Variants in USP37 observed in about 807,000 individuals in gnomAD.
The protein encoded by USP37 is ubiquitin carboxyl-terminal hydrolase 37.
In USP37, 27 loss-of-function variants were observed where a neutral mutation model predicts 124.0. That is an observed-to-expected ratio of 0.22 (90% CI 0.16 to 0.30). The LOEUF is 0.30. USP37 is among the 10% of genes least tolerant of loss of function. The pLI is 1.00. For missense variants in USP37, 889 were observed against 1,140.4 expected, an observed-to-expected ratio of 0.78 and a Z score of 3.17; for synonymous variants, 365 against 388.0, an observed-to-expected ratio of 0.94 and a Z score of 0.70.
chr2:218,568,194 G>A lies in USP37; in HGVS notation c.-246C>T, dbSNP rs1009226789. ...CCGCCTTACCTGCGCCGAGGGTCCG[G>A]AGCCCCCGGACAGACCCGCGGAAAG... On this transcript the variant is annotated 5_prime_UTR_variant, in exon 1 of 26. Coordinates refer to ENST00000258399, the MANE Select transcript of USP37 (RefSeq NM_020935.3). 2 of 152,424 alleles carry A rather than the reference G, an allele frequency of 1.3e-5. No individual in the cohort carries two copies. The highest frequency in any genetic ancestry group is 1.3e-4 in the Admixed American group (2 of 15,282). 9.4% of individuals were successfully genotyped at this position (152,424 alleles called of 1,614,324 possible).
chr2:218,487,879 T>C (rs1691664071), intron 15 of USP37, among the ~76,000 whole-genome samples: 1 of 151,716 alleles, frequency 6.6e-6, no homozygotes, highest in Non-Finnish European at 1.5e-5. Flanking sequence ...TCCCCACGAA[T>C]AATGTTGTTG....
chr2:218,516,474 A>T (rs1174020453), intron 10 of USP37, among the ~76,000 whole-genome samples: 1 of 151,782 alleles, frequency 6.6e-6, no homozygotes, highest in Non-Finnish European at 1.5e-5. Flanking sequence ...CTCACTCATA[A>T]GTAGCAGTTG....
At chr2:218,494,967 T>G (rs189458457) in intron 14 of USP37, among the ~76,000 whole-genome samples, 4 of 150,660 alleles carry the variant, frequency 2.7e-5, no homozygotes, top group Admixed American at 6.6e-5. Context: ...ATAAGTTGTG[T>G]TTTTTTTTCA....
intron 1 of USP37, among the ~76,000 whole-genome samples, chr2:218,564,762 T>C (rs1363718405): frequency 6.6e-6 from 1 of 152,172 alleles, no homozygotes; most frequent in Non-Finnish European, 1.5e-5. Context: ...ATGGTTGCCA[T>C]TGATGCTAGG....
At chr2:218,566,718 A>T (rs1693617568) in intron 1 of USP37, among the ~76,000 whole-genome samples, 1 of 152,236 alleles carries the variant, frequency 6.6e-6, no homozygotes, top group South Asian at 2.1e-4. Flanking sequence ...ATGATAATAC[A>T]GGAAGCCAAG....
intron 20 of USP37, among the ~76,000 whole-genome samples, chr2:218,470,098 G>A (rs1406277438): frequency 6.6e-6 from 1 of 152,112 alleles, no homozygotes; most frequent in East Asian, 1.9e-4. Context: ...GGGATTACAG[G>A]CGTGAGCCAC....
chr2:218,475,623 G>T (rs1430382043), intron 19 of USP37, among the ~76,000 whole-genome samples: 1 of 152,172 alleles, frequency 6.6e-6, no homozygotes, highest in Non-Finnish European at 1.5e-5. Flanking sequence ...TGTAGTCCCA[G>T]CTACTAGGGA....
intron 14 of USP37, among the ~76,000 whole-genome samples, chr2:218,492,293 A>AG (rs368155297): frequency 1.7e-3 from 264 of 152,296 alleles, no homozygotes; most frequent in Middle Eastern, 0.014. Context: ...AAAGACTCTA[A>AG]GGCACTATGA....
chr2:218,553,969 TA>T (rs1448451613), intron 4 of USP37, among the ~76,000 whole-genome samples: 1 of 152,098 alleles, frequency 6.6e-6, no homozygotes, highest in African/African-American at 2.4e-5. Context: ...GCACCAAGGG[TA>T]ATAGAGAAGG....
rs1206102407 is a variant in USP37 at position 218,474,810 on chromosome 2, C to T, written c.2119G>A (p.Glu707Lys). The T allele has an allele frequency of 6.2e-7, 1 of 1,614,138 alleles. No individual in the cohort carries two copies. Among genetic ancestry groups the T allele is most frequent in the East Asian group, 2.2e-5 (1 of 44,882 alleles). The change falls in exon 20 of 26, where the codon GAG (glutamate) becomes AAG (lysine). Residue 707 changes from glutamate (E) to lysine (K), a missense_variant. This residue lies in a region of USP37 where 504 missense variants were observed against 714.3 expected (regional missense o/e 0.71). Coordinates refer to ENST00000258399, the MANE Select transcript of USP37 (RefSeq NM_020935.3). Reference protein sequence around the residue: ...NSGFDRMSEEELLAAVLEISK... With the variant: ...NSGFDRMSEEKLLAAVLEISK... The stretch of plus-strand genomic sequence containing the variant: ...ATCTCCAAGACAGCTGCTAGAAGCT[C>T]TTCTTCGCTCATTCTGTCAAATCCT...
chr2:218,551,454 C>G (rs147762438), intron 5 of USP37, among the ~76,000 whole-genome samples: 2 of 152,332 alleles, frequency 1.3e-5, no homozygotes, highest in Non-Finnish European at 2.9e-5. Context: ...GCCCTGAAAT[C>G]AAGGTGATAC....
At chr2:218,557,010 A>AT (rs1693024418) in intron 4 of USP37, among the ~76,000 whole-genome samples, 1 of 151,946 alleles carries the variant, frequency 6.6e-6, no homozygotes, top group Non-Finnish European at 1.5e-5. Context: ...CTACAGGTAC[A>AT]TACCAACATG....
rs926084535 is a variant in USP37 at position 218,474,800 on chromosome 2, G to T, written c.2129C>A (p.Ala710Glu). The T allele has an allele frequency of 6.2e-7, 1 of 1,614,136 alleles. No homozygotes were observed. Among genetic ancestry groups the T allele is most frequent in the Non-Finnish European group, 8.5e-7 (1 of 1,180,022 alleles). The stretch of plus-strand genomic sequence containing the variant: ...TCTCTTACTTATCTCCAAGACAGCT[G>T]CTAGAAGCTCTTCTTCGCTCATTCT... ...FDRMSEEELL[A>E]AVLEISKRDA... The change falls in exon 20 of 26, where the codon GCA becomes GAA. Residue 710 changes from alanine to glutamate, a missense_variant. Coordinates refer to ENST00000258399, the MANE Select transcript of USP37 (RefSeq NM_020935.3).
intron 23 of USP37, 75 bp from the exon 24 acceptor site, chr2:218,457,236 T>C: frequency 2.9e-6 from 4 of 1,402,746 alleles, no homozygotes; most frequent in Non-Finnish European, 4.0e-6. Flanking sequence ...AAATTTATTA[T>C]CAAAGCTGAC....
chr2:218,502,772 G>A (rs1279217873), intron 11 of USP37, among the ~76,000 whole-genome samples: 1 of 152,044 alleles, frequency 6.6e-6, no homozygotes, highest in Non-Finnish European at 1.5e-5. Context: ...TACAAAGCAA[G>A]GTAACAGTAA....
intron 16 of USP37, among the ~76,000 whole-genome samples, chr2:218,482,557 T>A (rs1206608026): frequency 6.6e-6 from 1 of 152,216 alleles, no homozygotes; most frequent in Non-Finnish European, 1.5e-5. Flanking sequence ...AATTATTTAC[T>A]TCACTGTTAC....
At chr2:218,549,989 T>C (rs1653658526) in intron 5 of USP37, 80 bp from the exon 6 acceptor site, 12 of 1,080,904 alleles carry the variant, frequency 1.1e-5, no homozygotes, top group Non-Finnish European at 1.5e-5. Flanking sequence ...ATTATTTTTA[T>C]ATAATATTGA....
chr2:218,469,647 G>A (rs951480435), intron 20 of USP37, among the ~76,000 whole-genome samples: 1 of 152,022 alleles, frequency 6.6e-6, no homozygotes, highest in African/African-American at 2.4e-5. Flanking sequence ...AAGGAAGTTT[G>A]CTTGAAGATG....
At chr2:218,564,238 C>T (rs750806882) in intron 1 of USP37, among the ~76,000 whole-genome samples, 2 of 152,196 alleles carry the variant, frequency 1.3e-5, no homozygotes, top group African/African-American at 2.4e-5. Flanking sequence ...ATCATCCCAC[C>T]TAGTATTTAT....
Sources: allele counts gnomAD v4.1 joint callset (sites outside exome capture counted in the v4.1 genomes callset), GRCh38; gene constraint gnomAD v4.1.1; regional missense constraint gnomAD v4.1.1; transcripts MANE v1.5; gene names NCBI Gene and HGNC (gene_info 2026-07-23, HGNC 2026-07-21).